ARID4A: variants seen among roughly 807,000 people sequenced by gnomAD.
ARID4A encodes AT-rich interactive domain-containing protein 4A.
A neutral mutation model predicts 148.6 loss-of-function variants in ARID4A; 39 were observed. The ratio of observed to expected loss-of-function variants is 0.26; its 90% CI spans 0.20 to 0.34. ARID4A has a LOEUF of 0.34. Among genes scored for constraint, ARID4A ranks in the 10% least tolerant of loss-of-function variants. The probability of loss-of-function intolerance (pLI) is 1.00; values close to 1 mark genes in which losing one functional copy is unlikely to be tolerated. For missense variants in ARID4A, 1,265 were observed against 1,449.1 expected (o/e 0.87, Z 2.06); for synonymous variants, 475 against 481.2 (o/e 0.99, Z 0.17).
At chr14:58,330,303 G>A (rs1048266470) in intron 11 of ARID4A, 134 bp downstream of exon 11, 117 of 1,300,568 alleles carry the variant, frequency 9.0e-5, no homozygotes, top group Non-Finnish European at 1.1e-4. Context: ...CTTAATTTGG[G>A]TGTTGAGGAA....
intron 23 of ARID4A, among the ~76,000 whole-genome samples, chr14:58,368,894 G>C (rs1240646802): frequency 1.3e-5 from 2 of 152,168 alleles, no homozygotes; most frequent in Non-Finnish European, 2.9e-5. Flanking sequence ...GTGCTCAAAA[G>C]TTTCAGATTT....
chr14:58,368,743 C>G (rs1219505807), intron 23 of ARID4A, among the ~76,000 whole-genome samples: 1 of 152,020 alleles, frequency 6.6e-6, no homozygotes, highest in Non-Finnish European at 1.5e-5. Context: ...GGACCCAAGT[C>G]TAAACACAAA....
At chr14:58,299,579 C>T (rs1032137155) in intron 1 of ARID4A, 1 of 552,366 alleles carries the variant, frequency 1.8e-6, no homozygotes, top group East Asian at 3.0e-5. Flanking sequence ...CGCGGTGGGC[C>T]GCTGGCGAGC....
In ARID4A at chr14:58,373,452, C is replaced by T. The variant is rs80276743; in HGVS notation, c.*1463C>T. 1.3e-3 allele frequency: 228 copies of T among 179,990 alleles called. No individual in the cohort carries two copies. Among genetic ancestry groups the T allele is most frequent in the African/African-American group, 5.2e-3 (221 of 42,316 alleles). The allele number at this position is 179,990 out of a possible 1,614,324, so 11.1% of individuals were successfully genotyped here. Reference sequence around the variant, plus strand: ...TGTTTAATATGCTGTAGAATAATAACCTAGATGCTCTAGACTGTATATCAG... The same window carrying T: ...TGTTTAATATGCTGTAGAATAATAATCTAGATGCTCTAGACTGTATATCAG... On this transcript the variant is annotated 3_prime_UTR_variant, in exon 24 of 24. Transcript: ENST00000355431.
intron 3 of ARID4A, 131 bp from the exon 4 acceptor site, chr14:58,304,813 A>C: frequency 5.7e-6 from 4 of 704,386 alleles, no homozygotes; most frequent in Non-Finnish European, 7.2e-6. Context: ...GAATGTAATA[A>C]GTATTACATT....
intron 5 of ARID4A, among the ~76,000 whole-genome samples, chr14:58,317,052 G>A (rs1331049598): frequency 6.7e-6 from 1 of 150,210 alleles, no homozygotes; most frequent in Non-Finnish European, 1.5e-5. Context: ...TATTAGCCGG[G>A]CGTGGTGACG....
chr14:58,299,879 G>A lies in ARID4A; in HGVS notation c.6+19G>A, dbSNP rs2030987692. 2 of 1,614,090 alleles carry A rather than the reference G, an allele frequency of 1.2e-6. No homozygotes were observed. The highest frequency in any genetic ancestry group is 1.7e-6 in the Non-Finnish European group (2 of 1,180,036). ...AATGAAGGTAAGTGGAGTCAACTCTGCCCCGATCCTCGCGCCCTGAACACT... is the reference window on the plus strand; with the variant it reads ...AATGAAGGTAAGTGGAGTCAACTCTACCCCGATCCTCGCGCCCTGAACACT... On this transcript the variant is annotated intron_variant, in intron 2 of 23. Coordinates refer to ENST00000355431, the MANE Select transcript of ARID4A (RefSeq NM_002892.4).
chr14:58,301,024 A>G (rs2031119413), intron 2 of ARID4A, among the ~76,000 whole-genome samples: 1 of 152,246 alleles, frequency 6.6e-6, no homozygotes, highest in East Asian at 1.9e-4. Context: ...TGGAGCCATC[A>G]GTTCATATCT....
At chr14:58,337,719 A>T (rs2033904464) in intron 11 of ARID4A, among the ~76,000 whole-genome samples, 1 of 152,196 alleles carries the variant, frequency 6.6e-6, no homozygotes, top group African/African-American at 2.4e-5. Context: ...TGTCACTTGT[A>T]GTAAAAGTTA....
chr14:58,348,013 A>T (rs902191498), intron 15 of ARID4A, 135 bp downstream of exon 15: 1 of 613,852 alleles, frequency 1.6e-6, no homozygotes, highest in African/African-American at 1.9e-5. Flanking sequence ...TTAGCTAGCT[A>T]CTTTTTTCGA....
At chr14:58,348,890 T>C (rs1289411751) in intron 15 of ARID4A, among the ~76,000 whole-genome samples, 2 of 152,160 alleles carry the variant, frequency 1.3e-5, no homozygotes, top group Non-Finnish European at 2.9e-5. Flanking sequence ...CTTAACTCTT[T>C]TTAAGTGTAC....
intron 5 of ARID4A, among the ~76,000 whole-genome samples, chr14:58,317,290 AT>A (rs1215908033): frequency 7.2e-4 from 95 of 131,506 alleles, no homozygotes; most frequent in Admixed American, 7.7e-4. Flanking sequence ...CTTCTTTTTT[AT>A]TTTTTTTTTT....
chr14:58,311,080 T>C (rs955111746), intron 5 of ARID4A, among the ~76,000 whole-genome samples: 2 of 151,984 alleles, frequency 1.3e-5, no homozygotes, highest in African/African-American at 4.8e-5. Flanking sequence ...ACCCCATCTC[T>C]ACTAAAAATA....
chr14:58,372,117 C>T lies in ARID4A; in HGVS notation c.*128C>T. The T allele has an allele frequency of 1.5e-6, 1 of 658,488 alleles. No individual in the cohort carries two copies. The highest frequency in any genetic ancestry group is 2.6e-6 in the Non-Finnish European group (1 of 379,714). The allele number at this position is 658,488 out of a possible 1,614,324, so 40.8% of individuals were successfully genotyped here. ...AGTATATCCTGTATACTTTTCCAGG[C>T]TGGATTGTATCTATTCCCCTCTCTC... On this transcript the variant is annotated 3_prime_UTR_variant, in exon 24 of 24. Coordinates refer to ENST00000355431, the MANE Select transcript of ARID4A (RefSeq NM_002892.4).
Position 58,318,440 on chromosome 14 carries a change from C to A in ARID4A, c.275-102C>A, listed in dbSNP as rs1033135121. 9 of 1,133,352 alleles carry A rather than the reference C, an allele frequency of 7.9e-6. No individual in the cohort carries two copies. The Admixed American group carries it at 1.5e-4, about 18-fold the overall frequency. The allele number at this position is 1,133,352 out of a possible 1,614,324, so 70.2% of individuals were successfully genotyped here. A position where few individuals can be genotyped will look rare whatever the true frequency, so the allele number is the denominator to read the frequency against. ...AAAATGACTAAAATAATGGTTCTTA[C>A]AAATATTAAGCTCTAATTAATAGCA... On this transcript the variant is annotated intron_variant, in intron 5 of 23. Transcript: ENST00000355431.
chr14:58,329,721 C>T, intron 10 of ARID4A, 117 bp downstream of exon 10: 1 of 991,984 alleles, frequency 1.0e-6, no homozygotes, highest in Non-Finnish European at 1.5e-6. Context: ...GAGTTGATAT[C>T]CACTCTTACT....
At chr14:58,332,637 A>G (rs1336634389) in intron 11 of ARID4A, among the ~76,000 whole-genome samples, 1 of 152,144 alleles carries the variant, frequency 6.6e-6, no homozygotes, top group East Asian at 1.9e-4. Flanking sequence ...GAGGGGAATG[A>G]CTATGATGTA....
At position 58,311,075 on chromosome 14, in the gene ARID4A, A is replaced by G. The variant is rs567429842; in HGVS notation, c.274+4963A>G. 9.2e-5 allele frequency among the ~76,000 whole-genome samples: 14 copies of G among 152,138 alleles called. No homozygotes were observed. In the South Asian group the frequency reaches 2.1e-3, roughly 23 times the overall value. On this transcript the variant is annotated intron_variant, in intron 5 of 23. Transcript: ENST00000355431. ...AGCCTGGCCAACATGGTGAAACCCCATCTCTACTAAAAATACAAAAATTAG... is the reference window on the plus strand; with the variant it reads ...AGCCTGGCCAACATGGTGAAACCCCGTCTCTACTAAAAATACAAAAATTAG...
At chr14:58,359,255 G>A (rs761315226) in intron 18 of ARID4A, 39 bp downstream of exon 18, 1 of 1,528,036 alleles carries the variant, frequency 6.5e-7, no homozygotes, top group Admixed American at 2.2e-5. Context: ...ATATGTATAG[G>A]AATTATCCAA....
Sources: allele counts gnomAD v4.1 joint callset (sites outside exome capture counted in the v4.1 genomes callset), GRCh38; gene constraint gnomAD v4.1.1; transcripts MANE v1.5; gene names NCBI Gene and HGNC (gene_info 2026-07-23, HGNC 2026-07-21).